The following CHD5 variants were observed in gnomAD, a reference collection of about 807,000 sequenced individuals.
CHD5 encodes chromodomain helicase DNA binding protein 5, also known as ATP-dependent chromatin remodeler CHD5.
CHD5 carries 69 observed loss-of-function variants against 230.3 expected under a neutral mutation model. That is an observed-to-expected ratio of 0.30 (90% CI 0.25 to 0.37). The LOEUF is 0.37. CHD5 is among the 10% of genes least tolerant of loss of function. CHD5 has a pLI of 1.00. For synonymous variants in CHD5, 1,064 were observed against 1,065.9 expected (o/e 1.00, Z 0.03); for missense variants, 1,827 against 2,622.8 (o/e 0.70, Z 6.63).
chr1:6,177,042 A>G (rs907589300), intron 1 of CHD5, among the ~76,000 whole-genome samples: 1 of 152,240 alleles, frequency 6.6e-6, no homozygotes, highest in Non-Finnish European at 1.5e-5. Context: ...ACGGGAAACA[A>G]TAATTCACTG....
intron 2 of CHD5, 36 bp from the exon 3 acceptor site, chr1:6,159,551 C>A: frequency 1.3e-6 from 2 of 1,567,020 alleles, no homozygotes; most frequent in Non-Finnish European, 1.7e-6. Flanking sequence ...GCAACAGAGG[C>A]CCCAGGAACA....
At chr1:6,114,995 C>G (rs1666353046) in intron 33 of CHD5, among the ~76,000 whole-genome samples, 1 of 148,384 alleles carries the variant, frequency 6.7e-6, no homozygotes, top group Admixed American at 6.7e-5. Context: ...GCCTGGGCGA[C>G]AGAGCGAGAC....
At chr1:6,168,026 A>G (rs1667281563) in intron 2 of CHD5, 124 bp downstream of exon 2, 9 of 1,215,172 alleles carry the variant, frequency 7.4e-6, no homozygotes, top group Non-Finnish European at 1.0e-5. Flanking sequence ...GTTTTTCATC[A>G]AACTCAGCTC....
At chr1:6,149,901 A>C (rs1462179058) in intron 7 of CHD5, among the ~76,000 whole-genome samples, 2 of 150,452 alleles carry the variant, frequency 1.3e-5, no homozygotes, top group African/African-American at 4.9e-5. Flanking sequence ...AGATGGATGT[A>C]TAGATGGATG....
In CHD5 at chr1:6,124,026, C is replaced by T. The variant is rs1416327618; in HGVS notation, c.4621G>A (p.Glu1541Lys). Residue 1541 changes from glutamate (E) to lysine (K), a missense_variant, in exon 31 of 42, where the codon GAG becomes AAG. This residue lies in a region of CHD5 where 108 missense variants were observed against 152.4 expected (regional missense o/e 0.71). Transcript: ENST00000262450. ...GTGTTGGGGTCCGAGGAGATCACCT[C>T]GCCCGACTTCTTCCCCTCGGGCCCC... ...PEGPEGKKSG[E>K]VISSDPNTPV... 6 of 1,612,908 alleles carry T rather than the reference C, an allele frequency of 3.7e-6. No homozygotes were observed. Among genetic ancestry groups the T allele is most frequent in the African/African-American group, 2.7e-5 (2 of 74,850 alleles).
At chr1:6,172,872 C>T (rs759919010) in intron 1 of CHD5, among the ~76,000 whole-genome samples, 9 of 152,230 alleles carry the variant, frequency 5.9e-5, no homozygotes, top group African/African-American at 1.4e-4. Flanking sequence ...AGAGCAAGGA[C>T]GCAGCCGCCA....
intron 2 of CHD5, among the ~76,000 whole-genome samples, chr1:6,160,980 C>T (rs529263322): frequency 3.5e-4 from 53 of 152,294 alleles, no homozygotes; most frequent in African/African-American, 1.1e-3. Flanking sequence ...CCGGGGCATG[C>T]GGGGCTTGCC....
At chr1:6,176,848 T>C (rs1180786018) in intron 1 of CHD5, among the ~76,000 whole-genome samples, 1 of 152,160 alleles carries the variant, frequency 6.6e-6, no homozygotes, top group Non-Finnish European at 1.5e-5. Flanking sequence ...AGCCAAGGCC[T>C]CATCCCACCA....
chr1:6,136,125 G>A (rs1666743158), intron 17 of CHD5, among the ~76,000 whole-genome samples: 1 of 152,190 alleles, frequency 6.6e-6, no homozygotes, highest in Non-Finnish European at 1.5e-5. Context: ...TGAAGATGAG[G>A]GGGATGGGGC....
intron 38 of CHD5, among the ~76,000 whole-genome samples, chr1:6,107,750 AGAGATGGAGGG>A: frequency 8.7e-6 from 1 of 114,494 alleles, no homozygotes; most frequent in Non-Finnish European, 1.8e-5. Context: ...TGGATGATGG[AGAGATGGAGGG>A]ATGATGGAGG....
intron 20 of CHD5, among the ~76,000 whole-genome samples, chr1:6,132,782 T>C (rs1268039188): frequency 6.6e-6 from 1 of 152,252 alleles, no homozygotes; most frequent in East Asian, 1.9e-4. Context: ...TTCCTGCTTT[T>C]GCTTAATTTC....
In CHD5 at chr1:6,149,348, C is replaced by T. The variant is rs1557554100; in HGVS notation, c.1059G>A (p.Gly353=). ...QDYCEVCQQG[G]EIILCDTCPR... ...GGCAGGTGTCGCACAGGATGATCTC[C>T]CCACCCTGCTGGCACACCTCACAGT... is the stretch of plus-strand genomic sequence containing the variant. The change falls in exon 8 of 42, where the codon GGG becomes GGA. Residue 353 remains glycine, a synonymous_variant. Transcript: ENST00000262450. The T allele has an allele frequency of 6.2e-7, 1 of 1,613,424 alleles. No homozygotes were observed.
intron 1 of CHD5, among the ~76,000 whole-genome samples, chr1:6,175,818 G>C (rs1393996588): frequency 2.0e-5 from 3 of 151,512 alleles, no homozygotes; most frequent in Non-Finnish European, 4.4e-5. Context: ...TAGATACATG[G>C]ATACATGGAT....
intron 3 of CHD5, among the ~76,000 whole-genome samples, chr1:6,157,937 G>A (rs954046948): frequency 1.7e-4 from 26 of 152,122 alleles, no homozygotes; most frequent in African/African-American, 6.0e-4. Context: ...AGGAAGAATC[G>A]CTCCTCCTCC....
intron 1 of CHD5, among the ~76,000 whole-genome samples, chr1:6,172,117 AC>A (rs1027008602): frequency 6.6e-6 from 1 of 152,070 alleles, no homozygotes; most frequent in African/African-American, 2.4e-5. Context: ...GCCCTGTGGG[AC>A]CCCCAGGCTG....
chr1:6,149,481 C>CGA, intron 7 of CHD5, 69 bp from the exon 8 acceptor site: 1 of 1,499,050 alleles, frequency 6.7e-7, no homozygotes, highest in Non-Finnish European at 9.1e-7. Context: ...ACTGCATCGC[C>CGA]CCAGGCCAGA....
At position 6,154,958 on chromosome 1, in the gene CHD5, A is replaced by C; in HGVS notation, c.507-60T>G. 4 of 1,467,000 alleles carry C rather than the reference A, an allele frequency of 2.7e-6. No homozygotes were observed. Among genetic ancestry groups the C allele is most frequent in the East Asian group, 2.3e-5 (1 of 43,130 alleles). 90.9% of individuals were successfully genotyped at this position (1,467,000 alleles called of 1,614,324 possible). A position where few individuals can be genotyped will look rare whatever the true frequency, so the allele number is the denominator to read the frequency against. On this transcript the variant is annotated intron_variant, in intron 4 of 41. Coordinates refer to ENST00000262450, the MANE Select transcript of CHD5 (RefSeq NM_015557.3). The surrounding 1 kb of genome is among the most constrained non-coding windows in gnomAD (Gnocchi z 7.0). ...CCAGGTGAGATGAGAGGCCCACCCG[A>C]CCCCCGGCAGGGCCCACCCCTCTGC...
rs1289599171 is a variant in CHD5, at chr1:6,134,015, G to C, written c.3144+113C>G. Reference sequence around the variant, plus strand: ...TGACACACAGTCACATGACCCACATGGGAACGGCACTGGGCCCTGAGGGGT... The same window carrying C: ...TGACACACAGTCACATGACCCACATCGGAACGGCACTGGGCCCTGAGGGGT... On this transcript the variant is annotated intron_variant, in intron 20 of 41. Coordinates refer to ENST00000262450, the MANE Select transcript of CHD5 (RefSeq NM_015557.3). The surrounding 1 kb of genome is among the most constrained non-coding windows in gnomAD (Gnocchi z 6.3). The C allele has an allele frequency of 1.9e-6, 2 of 1,031,192 alleles. No individual in the cohort carries two copies. Among genetic ancestry groups the C allele is most frequent in the Non-Finnish European group, 2.8e-6 (2 of 702,362 alleles). The allele number at this position is 1,031,192 out of a possible 1,614,324, so 63.9% of individuals were successfully genotyped here. A position where few individuals can be genotyped will look rare whatever the true frequency, so the allele number is the denominator to read the frequency against.
At chr1:6,150,917 T>G in intron 7 of CHD5, 115 bp downstream of exon 7, 2 of 1,281,842 alleles carry the variant, frequency 1.6e-6, no homozygotes, top group East Asian at 2.8e-5. Flanking sequence ...CACGGGGAGG[T>G]TCCATGCCCC....
Sources: allele counts gnomAD v4.1 joint callset (sites outside exome capture counted in the v4.1 genomes callset), GRCh38; gene constraint gnomAD v4.1.1; regional missense constraint gnomAD v4.1.1; non-coding constraint Gnocchi (gnomAD v3.1); transcripts MANE v1.5; gene names NCBI Gene and HGNC (gene_info 2026-07-23, HGNC 2026-07-21).